The following PEMT variants were observed in gnomAD, a reference collection of about 807,000 sequenced individuals.
PEMT encodes phosphatidylethanolamine N-methyltransferase, also known as phospholipid methyltransferase.
Under a neutral mutation model 27.4 loss-of-function variants are expected in PEMT, and 23 were observed. That is an observed-to-expected ratio of 0.84 (90% confidence interval 0.60 to 1.19). The LOEUF (loss-of-function observed/expected upper bound fraction) is 1.19. Ranked by LOEUF, PEMT falls within the 50% of genes most tolerant of loss-of-function variation. The pLI is 0.00. For missense variants in PEMT, 307 were observed against 310.1 expected (o/e 0.99, Z 0.07); for synonymous variants, 137 against 139.1 (o/e 0.98, Z 0.11).
rs1173449370 is a variant in PEMT at position 17,523,357 on chromosome 17, C to A, written c.205-962G>T. 6.6e-6 allele frequency among the ~76,000 whole-genome samples: 1 copy of A among 152,204 alleles called. No individual in the cohort carries two copies. Among genetic ancestry groups the A allele is most frequent in the African/African-American group, 2.4e-5 (1 of 41,462 alleles). ...CTGCTCCACTTCCCAAGTGGACCTG[C>A]CTTTCCCAGCAGTTGCGGCAGGAGA... is the stretch of plus-strand genomic sequence containing the variant. On this transcript the variant is annotated intron_variant, in intron 2 of 6. Transcript: ENST00000255389. This position sits in a 1 kb window ranked among gnomAD's most constrained non-coding sequence, Gnocchi z 4.8.
At position 17,582,975 on chromosome 17, in the gene PEMT, T is replaced by A. The variant is rs183720638; in HGVS notation, c.97-5948A>T. 2.0e-5 allele frequency among the ~76,000 whole-genome samples: 3 copies of A among 151,032 alleles called. No individual in the cohort carries two copies. The highest frequency in any genetic ancestry group is 7.3e-5 in the African/African-American group (3 of 41,032). ...TACTGGGGAGGCTGAGGCAGAAGAA[T>A]CACTTGAACCTGGGAGGCAGAGGTT... is the stretch of plus-strand genomic sequence containing the variant. On this transcript the variant is annotated intron_variant, in intron 1 of 6. Transcript: ENST00000255389. The surrounding 1 kb of genome is among the most constrained non-coding windows in gnomAD (Gnocchi z 4.9).
chr17:17,568,346 G>T (rs1910971123), intron 2 of PEMT, among the ~76,000 whole-genome samples: 1 of 152,142 alleles, frequency 6.6e-6, no homozygotes, highest in African/African-American at 2.4e-5. Context: ...TAACTCCTTG[G>T]TTAATAAGTT....
chr17:17,546,656 G>A (rs192176168), intron 2 of PEMT, among the ~76,000 whole-genome samples: 31 of 152,324 alleles, frequency 2.0e-4, no homozygotes, highest in Non-Finnish European at 3.4e-4. Flanking sequence ...GCCTGCCTTC[G>A]TCCGACCCTG....
chr17:17,512,710 C>A lies in PEMT; in HGVS notation c.321-56G>T. On this transcript the variant is annotated intron_variant, in intron 3 of 6. Coordinates refer to ENST00000255389, the MANE Select transcript of PEMT (RefSeq NM_148172.3). The surrounding 1 kb of genome is among the most constrained non-coding windows in gnomAD (Gnocchi z 6.3). ...CATGGCCAGGGAGGATGTCACAGCC[C>A]GGGAGGAGGCCGACCTCATCTTCTC... 7.0e-7 allele frequency: 1 copy of A among 1,431,624 alleles called. No individual in the cohort carries two copies. The allele number at this position is 1,431,624 out of a possible 1,614,324, so 88.7% of individuals were successfully genotyped here. A position where few individuals can be genotyped will look rare whatever the true frequency, so the allele number is the denominator to read the frequency against.
chr17:17,569,794 A>G (rs548669121), intron 2 of PEMT, among the ~76,000 whole-genome samples: 10 of 152,202 alleles, frequency 6.6e-5, no homozygotes, highest in Non-Finnish European at 1.0e-4. Flanking sequence ...CTTGTAAATA[A>G]CTGCTCAAGG....
chr17:17,506,690 G>A (rs745931949), intron 5 of PEMT, among the ~76,000 whole-genome samples: 2 of 152,206 alleles, frequency 1.3e-5, no homozygotes, highest in East Asian at 1.9e-4. Context: ...AAGTGCTCCC[G>A]TCTCCCAGAA....
chr17:17,545,870 G>T (rs1478395370), intron 2 of PEMT, among the ~76,000 whole-genome samples: 2 of 152,138 alleles, frequency 1.3e-5, no homozygotes, highest in African/African-American at 4.8e-5. Flanking sequence ...CTACTTTTCT[G>T]TATGCTTAAA....
chr17:17,539,510 G>A (rs1908730344), intron 2 of PEMT, among the ~76,000 whole-genome samples: 1 of 152,240 alleles, frequency 6.6e-6, no homozygotes, highest in Non-Finnish European at 1.5e-5. Flanking sequence ...GGTGTCACAT[G>A]TATCCCCAGC....
intron 2 of PEMT, among the ~76,000 whole-genome samples, chr17:17,567,080 T>C (rs1162360449): frequency 6.6e-6 from 1 of 151,984 alleles, no homozygotes; most frequent in Non-Finnish European, 1.5e-5. Flanking sequence ...AAATAAATCA[T>C]CCAGGGAAGA....
chr17:17,588,994 C>T (rs1912463579), intron 1 of PEMT, among the ~76,000 whole-genome samples: 1 of 152,256 alleles, frequency 6.6e-6, no homozygotes, highest in African/African-American at 2.4e-5. Context: ...GAGTTTCGCT[C>T]TTCTAGCCCA....
chr17:17,560,745 C>T (rs1441376248), intron 2 of PEMT, among the ~76,000 whole-genome samples: 3 of 152,214 alleles, frequency 2.0e-5, no homozygotes, highest in Non-Finnish European at 2.9e-5. Flanking sequence ...AGCCACCCTT[C>T]GCGTCCACAC....
intron 2 of PEMT, among the ~76,000 whole-genome samples, chr17:17,524,126 G>A (rs1907495259): frequency 6.6e-6 from 1 of 152,312 alleles, no homozygotes; most frequent in Admixed American, 6.5e-5. Context: ...TACGACTCCA[G>A]TATATAAAGA....
At chr17:17,547,260 C>T (rs1037177612) in intron 2 of PEMT, among the ~76,000 whole-genome samples, 1 of 152,368 alleles carries the variant, frequency 6.6e-6, no homozygotes, top group South Asian at 2.1e-4. Flanking sequence ...GCAGAGCTCC[C>T]GACCCCTCTC....
intron 3 of PEMT, among the ~76,000 whole-genome samples, chr17:17,521,877 T>C (rs1315857665): frequency 6.6e-6 from 1 of 152,140 alleles, no homozygotes; most frequent in African/African-American, 2.4e-5. Context: ...TCAAAGAAGC[T>C]TTCTGACGCT....
At chr17:17,509,262 C>A (rs781317531) in intron 5 of PEMT, among the ~76,000 whole-genome samples, 172 bp downstream of exon 5, 2 of 152,268 alleles carry the variant, frequency 1.3e-5, no homozygotes, top group Non-Finnish European at 2.9e-5. Flanking sequence ...GTTTCTGTTA[C>A]CATAGATAAG....
intron 2 of PEMT, among the ~76,000 whole-genome samples, chr17:17,548,264 C>A (rs1909398010): frequency 6.6e-6 from 1 of 152,250 alleles, no homozygotes; most frequent in African/African-American, 2.4e-5. Context: ...AGCTTGAATG[C>A]CCTGGGCTGG....
chr17:17,591,704 T>C lies in PEMT; in HGVS notation c.-78A>G. The C allele has an allele frequency of 6.6e-7, 1 of 1,517,500 alleles. No individual in the cohort carries two copies. The highest frequency in any genetic ancestry group is 8.9e-7 in the Non-Finnish European group (1 of 1,129,302). The allele number at this position is 1,517,500 out of a possible 1,614,324, so 94.0% of individuals were successfully genotyped here. ...CCGGAACCGGACCTATAGAGCCGGG[T>C]AAGTGCCGCCAGTCGGGGCGCTTTC... On this transcript the variant is annotated 5_prime_UTR_variant, in exon 1 of 7. Coordinates refer to ENST00000255389, the MANE Select transcript of PEMT (RefSeq NM_148172.3).
At chr17:17,587,363 A>T (rs956691116) in intron 1 of PEMT, among the ~76,000 whole-genome samples, 3 of 152,232 alleles carry the variant, frequency 2.0e-5, no homozygotes, top group African/African-American at 7.2e-5. Context: ...CACAACTGTC[A>T]AAATTCATTC....
At chr17:17,529,675 T>A (rs1337256973) in intron 2 of PEMT, among the ~76,000 whole-genome samples, 1 of 152,066 alleles carries the variant, frequency 6.6e-6, no homozygotes, top group Non-Finnish European at 1.5e-5. Context: ...GACACTCGCC[T>A]CCCCCAGCCT....
Sources: allele counts gnomAD v4.1 joint callset (sites outside exome capture counted in the v4.1 genomes callset), GRCh38; gene constraint gnomAD v4.1.1; non-coding constraint Gnocchi (gnomAD v3.1); transcripts MANE v1.5; gene names NCBI Gene and HGNC (gene_info 2026-07-23, HGNC 2026-07-21).